Variants in CCND1 observed in about 807,000 individuals in gnomAD.
CCND1 encodes cyclin D1, also known as G1/S-specific cyclin-D1.
CCND1 carries 9 observed loss-of-function variants against 26.1 expected under a neutral mutation model. That is an observed-to-expected ratio of 0.35 (90% CI 0.21 to 0.60). CCND1 has a LOEUF of 0.60. Among genes scored for constraint, CCND1 ranks in the 20% least tolerant of loss-of-function variants. The pLI, the probability that CCND1 is intolerant of heterozygous loss-of-function variation, is 0.79. For synonymous variants in CCND1, 194 were observed against 166.1 expected (o/e 1.17, Z -1.29); for missense variants, 335 against 392.9 (o/e 0.85, Z 1.25).
rs975127144 is a variant in CCND1 at position 69,652,100 on chromosome 11, G to A, written c.*818G>A. ...GAAAGGCCACCTGTCCCACTCCTAC[G>A]ATACGCTACTATAAAGAGAAGACGA... On this transcript the variant is annotated 3_prime_UTR_variant, in exon 5 of 5. Transcript: ENST00000227507. The A allele has an allele frequency of 1.1e-4, 25 of 233,386 alleles. No homozygotes were observed. The highest frequency in any genetic ancestry group is 6.0e-4 in the East Asian group (10 of 16,572). The allele number at this position is 233,386 out of a possible 1,614,324, so 14.5% of individuals were successfully genotyped here.
Position 69,653,680 on chromosome 11 carries a change from T to C in CCND1, c.*2398T>C. ...CCTCTTCTCTTCCCTGCGCCTGTGATGCTGGGCACTTCATCTGATCGGGGG... is the reference window on the plus strand; with the variant it reads ...CCTCTTCTCTTCCCTGCGCCTGTGACGCTGGGCACTTCATCTGATCGGGGG... On this transcript the variant is annotated 3_prime_UTR_variant, in exon 5 of 5. Transcript: ENST00000227507. 2.9e-6 allele frequency: 1 copy of C among 340,686 alleles called. No individual in the cohort carries two copies. The highest frequency in any genetic ancestry group is 5.4e-6 in the Non-Finnish European group (1 of 186,810). The allele number at this position is 340,686 out of a possible 1,614,324, so 21.1% of individuals were successfully genotyped here.
At position 69,641,510 on chromosome 11, in the gene CCND1, A is replaced by G. The variant is rs759345822; in HGVS notation, c.197A>G (p.Glu66Gly). ...MRKIVATWML[E>G]VCEEQKCEEE... ...AAGATCGTCGCCACCTGGATGCTGG[A>G]GGTGCGGGGCTTCGGGCGGCTCTCT... Residue 66 changes from glutamate (E) to glycine (G), a missense_variant and splice_region_variant, in exon 1 of 5, where the codon GAG (glutamate) becomes GGG (glycine). Physicochemically the swap from Glu to Gly is moderately conservative, Grantham distance 98. Transcript: ENST00000227507. The G allele has an allele frequency of 6.2e-7, 1 of 1,612,784 alleles. No homozygotes were observed. Among genetic ancestry groups the G allele is most frequent in the South Asian group, 1.1e-5 (1 of 91,070 alleles).
chr11:69,643,447 T>G, intron 2 of CCND1: 1 of 483,178 alleles, frequency 2.1e-6, no homozygotes. Context: ...TGTGTGCGCT[T>G]GCCTGCGACT....
At position 69,652,112 on chromosome 11, in the gene CCND1, TA is replaced by T. The variant is rs1208327904; in HGVS notation, c.*833del. On this transcript the variant is annotated 3_prime_UTR_variant, in exon 5 of 5. Transcript: ENST00000227507. Reference sequence around the variant, plus strand: ...GTCCCACTCCTACGATACGCTACTATAAAGAGAAGACGAAATAGTGACATAA... The same window carrying T: ...GTCCCACTCCTACGATACGCTACTATAAGAGAAGACGAAATAGTGACATAA... 4.3e-6 allele frequency: 1 copy of T among 233,430 alleles called. No homozygotes were observed. Among genetic ancestry groups the T allele is most frequent in the Admixed American group, 5.6e-5 (1 of 17,770 alleles). The allele number at this position is 233,430 out of a possible 1,614,324, so 14.5% of individuals were successfully genotyped here. A position where few individuals can be genotyped will look rare whatever the true frequency, so the allele number is the denominator to read the frequency against.
chr11:69,647,873 C>T (rs571444792), intron 3 of CCND1, 121 bp from the exon 4 acceptor site: 9 of 1,105,884 alleles, frequency 8.1e-6, no homozygotes, highest in African/African-American at 3.1e-5. Context: ...CCTCAGATAC[C>T]GAGTGCTTCC....
chr11:69,641,662 A>T, intron 1 of CCND1, 151 bp downstream of exon 1: 2 of 619,842 alleles, frequency 3.2e-6, no homozygotes, highest in Non-Finnish European at 5.1e-6. Flanking sequence ...CAAAATAAAA[A>T]TTGCGGGTAT....
intron 3 of CCND1, among the ~76,000 whole-genome samples, chr11:69,645,298 A>T (rs1043455345): frequency 6.6e-6 from 1 of 152,154 alleles, no homozygotes; most frequent in Non-Finnish European, 1.5e-5. Context: ...GAGAAATGCA[A>T]AGTTTCCTGG....
chr11:69,644,795 G>A (rs1352915025), intron 3 of CCND1, among the ~76,000 whole-genome samples: 1 of 152,206 alleles, frequency 6.6e-6, no homozygotes, highest in East Asian at 1.9e-4. Flanking sequence ...CCTGGCCCAG[G>A]AGGCCTGGTT....
intron 3 of CCND1, among the ~76,000 whole-genome samples, chr11:69,647,243 C>G (rs1381998811): frequency 1.3e-5 from 2 of 152,198 alleles, no homozygotes; most frequent in Non-Finnish European, 2.9e-5. Flanking sequence ...GTAGAGGGCC[C>G]GGGTGGAGTT....
intron 4 of CCND1, among the ~76,000 whole-genome samples, chr11:69,650,264 G>A (rs1338706362): frequency 7.2e-5 from 11 of 152,232 alleles, no homozygotes; most frequent in Non-Finnish European, 1.2e-4. Flanking sequence ...ACATGGAGCC[G>A]GTTCTCCATC....
intron 3 of CCND1, among the ~76,000 whole-genome samples, chr11:69,646,785 A>T (rs1443718159): frequency 1.3e-5 from 2 of 152,162 alleles, no homozygotes; most frequent in Non-Finnish European, 2.9e-5. Context: ...ATTCCCCGCC[A>T]CAAACCAGGA....
At chr11:69,648,533 G>A (rs1430277684) in intron 4 of CCND1, among the ~76,000 whole-genome samples, 1 of 152,256 alleles carries the variant, frequency 6.6e-6, no homozygotes, top group African/African-American at 2.4e-5. Context: ...CTTGAAAAGG[G>A]CTCCTGTGAG....
intron 1 of CCND1, 129 bp from the exon 2 acceptor site, chr11:69,642,902 C>T: frequency 6.1e-6 from 3 of 491,162 alleles, no homozygotes; most frequent in South Asian, 6.0e-5. Flanking sequence ...AAGCTCCTGC[C>T]GCCCCCAGCC....
At chr11:69,648,415 C>G (rs546610919) in intron 4 of CCND1, among the ~76,000 whole-genome samples, 1 of 152,208 alleles carries the variant, frequency 6.6e-6, no homozygotes, top group Non-Finnish European at 1.5e-5. Flanking sequence ...GCGTCCGGGA[C>G]GGAGGCCCCA....
chr11:69,642,858 C>A (rs1855726511), intron 1 of CCND1, among the ~76,000 whole-genome samples, 173 bp from the exon 2 acceptor site: 1 of 143,914 alleles, frequency 6.9e-6, no homozygotes, highest in Non-Finnish European at 1.5e-5. Context: ...AGGGTGGGTA[C>A]TGGGGACGCG....
At position 69,642,298 on chromosome 11, in the gene CCND1, C is replaced by A. The variant is rs982053469; in HGVS notation, c.199-733C>A. Among the ~76,000 whole-genome samples the A allele has an allele frequency of 3.3e-5, 5 of 152,180 alleles. No homozygotes were observed. The South Asian group carries it at 6.2e-4, about 19-fold the overall frequency. On this transcript the variant is annotated intron_variant, in intron 1 of 4. Transcript: ENST00000227507. ...ATCGGCTTGGAGGACCTTCTCCGAG[C>A]GAGCCGGGGGCCTGGGAGCACATTT... is the stretch of plus-strand genomic sequence containing the variant.
At chr11:69,643,308 G>A (rs1165251415) in intron 2 of CCND1, 62 bp downstream of exon 2, 1 of 1,394,048 alleles carries the variant, frequency 7.2e-7, no homozygotes, top group Admixed American at 2.0e-5. Context: ...CACGGGGCCG[G>A]GGAAGGTGCA....
At chr11:69,643,798 C>T (rs2120092919) in intron 2 of CCND1, 34 bp from the exon 3 acceptor site, 13 of 1,581,692 alleles carry the variant, frequency 8.2e-6, no homozygotes, top group Non-Finnish European at 1.0e-5. Flanking sequence ...CTGGCCCGCA[C>T]CTCCCCTGAT....
chr11:69,643,323 G>T (rs768873833), intron 2 of CCND1, 77 bp downstream of exon 2: 4 of 1,232,408 alleles, frequency 3.2e-6, no homozygotes, highest in South Asian at 1.4e-5. Context: ...GGTGCAGGCG[G>T]TGGCGGCCGG....
Sources: allele counts gnomAD v4.1 joint callset (sites outside exome capture counted in the v4.1 genomes callset), GRCh38; gene constraint gnomAD v4.1.1; transcripts MANE v1.5; gene names NCBI Gene and HGNC (gene_info 2026-07-23, HGNC 2026-07-21).